SHANK2: variants seen among roughly 807,000 people sequenced by gnomAD.
SHANK2 encodes the protein SH3 and multiple ankyrin repeat domains protein 2.
Under a neutral mutation model 133.7 loss-of-function variants are expected in SHANK2, and 43 were observed. The ratio of observed to expected loss-of-function variants is 0.32; its 90% CI spans 0.25 to 0.41. The LOEUF (loss-of-function observed/expected upper bound fraction) is 0.41. SHANK2 is among the 10% of genes least tolerant of loss of function. The pLI is 1.00. For synonymous variants in SHANK2, 1,017 were observed against 952.8 expected, an observed-to-expected ratio of 1.07 and a Z score of -1.24; for missense variants, 1,994 against 2,235.8, an observed-to-expected ratio of 0.89 and a Z score of 2.18.
chr11:70,573,560 T>TGGGGGGG (rs1160356411), intron 17 of SHANK2, among the ~76,000 whole-genome samples: 1 of 95,024 alleles, frequency 1.1e-5, no homozygotes, highest in African/African-American at 4.3e-5. Context: ...GGGGGGGGGG[T>TGGGGGGG]GGGGCATGGC....
chr11:70,742,447 C>T (rs1946549009), intron 14 of SHANK2, among the ~76,000 whole-genome samples: 1 of 152,228 alleles, frequency 6.6e-6, no homozygotes, highest in Non-Finnish European at 1.5e-5. Context: ...TATTAGTTCT[C>T]TGCCTAGGTC....
chr11:70,601,218 A>AT (rs34893050), intron 17 of SHANK2, among the ~76,000 whole-genome samples: 113,822 of 147,904 alleles, frequency 0.77, 43,919 homozygotes, highest in East Asian at 0.91. Context: ...CGCCCAGCTA[A>AT]TTTTTTTTTT....
intron 17 of SHANK2, among the ~76,000 whole-genome samples, chr11:70,610,120 TCA>T (rs2060640056): frequency 6.9e-6 from 1 of 145,630 alleles, no homozygotes; most frequent in South Asian, 2.2e-4. Context: ...TCGGTGGTGG[TCA>T]CACAGACTTG....
At chr11:70,553,846 C>A (rs933599282) in intron 17 of SHANK2, among the ~76,000 whole-genome samples, 1 of 152,164 alleles carries the variant, frequency 6.6e-6, no homozygotes, top group Non-Finnish European at 1.5e-5. Context: ...GAATAAGAGC[C>A]CAGTCACATC....
chr11:70,612,960 T>A (rs1297985919), intron 17 of SHANK2, among the ~76,000 whole-genome samples: 1 of 152,174 alleles, frequency 6.6e-6, no homozygotes, highest in Non-Finnish European at 1.5e-5. Context: ...TGTGAGCAAC[T>A]CACGGCATCC....
chr11:71,056,447 C>G (rs1950921532), intron 10 of SHANK2, 34 bp downstream of exon 10: 1 of 152,244 alleles, frequency 6.6e-6, no homozygotes, highest in Non-Finnish European at 1.5e-5. Flanking sequence ...CTGTGATCCA[C>G]ACACATCCTT....
chr11:70,743,608 G>C (rs1487740906), intron 14 of SHANK2, among the ~76,000 whole-genome samples: 1 of 152,270 alleles, frequency 6.6e-6, no homozygotes, highest in Admixed American at 6.5e-5. Flanking sequence ...GGATGCTTTG[G>C]GATAAGCACA....
At chr11:71,248,306 G>T (rs1383816106) in intron 1 of SHANK2, among the ~76,000 whole-genome samples, 1 of 152,274 alleles carries the variant, frequency 6.6e-6, no homozygotes, top group African/African-American at 2.4e-5. Context: ...ACATCAAGAA[G>T]TATGATGAGA....
intron 17 of SHANK2, among the ~76,000 whole-genome samples, chr11:70,596,255 C>T (rs1250181482): frequency 2.0e-5 from 3 of 152,206 alleles, no homozygotes; most frequent in Non-Finnish European, 2.9e-5. Flanking sequence ...AGAGCCCGGA[C>T]GCTTCCCAGT....
At chr11:70,803,438 A>C (rs1948097586) in intron 13 of SHANK2, among the ~76,000 whole-genome samples, 2 of 7,410 alleles carry the variant, frequency 2.7e-4, no homozygotes, top group Non-Finnish European at 6.3e-4. Flanking sequence ...GCACTGTGTC[A>C]CATGCTTGGG....
intron 12 of SHANK2, among the ~76,000 whole-genome samples, chr11:70,818,355 G>C (rs982533127): frequency 3.3e-5 from 5 of 152,034 alleles, no homozygotes; most frequent in African/African-American, 1.2e-4. Flanking sequence ...TCTGTCCCCC[G>C]TTCCTCACAC....
intron 8 of SHANK2, among the ~76,000 whole-genome samples, chr11:71,080,561 C>T (rs1448586980): frequency 6.6e-6 from 1 of 152,114 alleles, no homozygotes; most frequent in African/African-American, 2.4e-5. Flanking sequence ...TGAGACGAAC[C>T]CCCTATCACT....
At chr11:71,167,398 C>T (rs375375037) in intron 2 of SHANK2, among the ~76,000 whole-genome samples, 28,345 of 139,678 alleles carry the variant, frequency 0.2, 915 homozygotes, top group African/African-American at 0.27. Flanking sequence ...GACAGGGCGG[C>T]TGGCCGGGCG....
At chr11:71,212,426 G>C (rs1954302027) in intron 2 of SHANK2, among the ~76,000 whole-genome samples, 1 of 152,194 alleles carries the variant, frequency 6.6e-6, no homozygotes, top group Non-Finnish European at 1.5e-5. Flanking sequence ...AAATGTCACA[G>C]CCCTTTTCCT....
rs76193780 is a variant in SHANK2 at position 70,893,625 on chromosome 11, C to G, written c.1174+2876G>C. Among the ~76,000 whole-genome samples the G allele has an allele frequency of 5.0e-3, 754 of 152,284 alleles. 6 individuals carry two copies. The highest frequency in any genetic ancestry group is 0.017 in the African/African-American group (712 of 41,548). ...AGTTTGCTAGTTCATAATCACGAAC[C>G]CTTAGATGACTCAGATGAAACAAGA... On this transcript the variant is annotated intron_variant, in intron 11 of 25. Transcript: ENST00000601538.
intron 17 of SHANK2, among the ~76,000 whole-genome samples, chr11:70,548,827 A>C (rs1591565541): frequency 6.6e-6 from 1 of 152,286 alleles, no homozygotes; most frequent in Middle Eastern, 3.4e-3. Context: ...TGGTGTTCTC[A>C]AACAAGAGGA....
intron 11 of SHANK2, among the ~76,000 whole-genome samples, chr11:70,867,234 C>T (rs558624696): frequency 6.6e-6 from 1 of 152,184 alleles, no homozygotes; most frequent in Admixed American, 6.5e-5. Flanking sequence ...TGTCTCCTAT[C>T]CGGGTAGGGG....
At chr11:70,698,790 A>G in intron 14 of SHANK2, 27 bp from the exon 15 acceptor site, 1 of 718,550 alleles carries the variant, frequency 1.4e-6, no homozygotes, top group South Asian at 1.5e-5. Context: ...GAGAAACACC[A>G]TTCAGAAAAG....
At chr11:71,095,308 C>T (rs1169849398) in intron 6 of SHANK2, among the ~76,000 whole-genome samples, 3 of 152,226 alleles carry the variant, frequency 2.0e-5, no homozygotes, top group Non-Finnish European at 4.4e-5. Context: ...ACAAGGGTCC[C>T]GTGCAGATGA....
Sources: gnomAD v4.1 joint callset for allele counts (sites outside exome capture counted in the v4.1 genomes callset) on GRCh38, gnomAD v4.1.1 for gene constraint, MANE v1.5 for transcripts, NCBI Gene and HGNC (gene_info 2026-07-23, HGNC 2026-07-21) for gene names.